CCDC172: variants seen among roughly 807,000 people sequenced by gnomAD.
The protein encoded by CCDC172 is coiled-coil domain-containing protein 172.
CCDC172 carries 30 observed loss-of-function variants against 38.0 expected under a neutral mutation model. The ratio of observed to expected loss-of-function variants is 0.79; its 90% CI spans 0.59 to 1.07. The LOEUF is 1.07. Among genes scored for constraint, CCDC172 ranks in the 50% least tolerant of loss-of-function variants. The pLI is 0.00. For synonymous variants in CCDC172, 78 were observed against 88.3 expected, an observed-to-expected ratio of 0.88 and a Z score of 0.66; for missense variants, 297 against 290.1, an observed-to-expected ratio of 1.02 and a Z score of -0.17.
intron 7 of CCDC172, among the ~76,000 whole-genome samples, chr10:116,362,824 A>C (rs1020811024): frequency 6.6e-6 from 1 of 152,084 alleles, no homozygotes; most frequent in Non-Finnish European, 1.5e-5. Context: ...TTCTGGTAAA[A>C]CTTCATCATT....
intron 7 of CCDC172, among the ~76,000 whole-genome samples, chr10:116,363,249 C>T (rs1352672955): frequency 6.6e-6 from 1 of 152,104 alleles, no homozygotes; most frequent in Non-Finnish European, 1.5e-5. Context: ...AAGGGAGATG[C>T]TGGCAGGACC....
chr10:116,328,012 T>G (rs1399690004), intron 3 of CCDC172, among the ~76,000 whole-genome samples: 1 of 152,114 alleles, frequency 6.6e-6, no homozygotes, highest in East Asian at 1.9e-4. Context: ...GAACATAATT[T>G]GAATAGAGCA....
At chr10:116,374,026 A>G (rs1305900525) in intron 7 of CCDC172, among the ~76,000 whole-genome samples, 1 of 152,174 alleles carries the variant, frequency 6.6e-6, no homozygotes, top group East Asian at 1.9e-4. Flanking sequence ...TCTGAGTAGC[A>G]TGATAAACTC....
At chr10:116,367,737 A>G (rs1182322118) in intron 7 of CCDC172, among the ~76,000 whole-genome samples, 1 of 152,116 alleles carries the variant, frequency 6.6e-6, no homozygotes, top group Non-Finnish European at 1.5e-5. Context: ...AACAGTCTAT[A>G]TTAATATTTC....
intron 5 of CCDC172, among the ~76,000 whole-genome samples, chr10:116,343,841 G>T (rs1844830924): frequency 6.6e-6 from 1 of 152,114 alleles, no homozygotes; most frequent in Non-Finnish European, 1.5e-5. Flanking sequence ...TTGACTGAAT[G>T]GTTCTCTGAG....
At position 116,379,352 on chromosome 10, in the gene CCDC172, C is replaced by A; in HGVS notation, c.771C>A (p.Ser257Arg). ...LTLAQKDLQE[S>R]K ...TGGCACAGAAAGATCTTCAGGAAAG[C>A]AAATAACTTACAGAGAATTGATCAG... is the stretch of plus-strand genomic sequence containing the variant. Residue 257 changes from serine (S) to arginine (R), a missense_variant, in exon 9 of 9, where the codon AGC becomes AGA. Physicochemically the swap from Ser to Arg is moderately radical, Grantham distance 110. Coordinates refer to ENST00000333254, the MANE Select transcript of CCDC172 (RefSeq NM_198515.3). 6.3e-7 allele frequency: 1 copy of A among 1,580,758 alleles called. No individual in the cohort carries two copies. Among genetic ancestry groups the A allele is most frequent in the African/African-American group, 1.4e-5 (1 of 73,910 alleles).
chr10:116,366,906 C>T (rs147408599), intron 7 of CCDC172, among the ~76,000 whole-genome samples: 33 of 152,250 alleles, frequency 2.2e-4, no homozygotes, highest in African/African-American at 7.7e-4. Context: ...GTCCTGACTA[C>T]GTATATGGTT....
intron 7 of CCDC172, among the ~76,000 whole-genome samples, chr10:116,363,690 A>G (rs1441995775): frequency 6.6e-6 from 1 of 152,114 alleles, no homozygotes; most frequent in East Asian, 1.9e-4. Flanking sequence ...TAATCCCAAC[A>G]CTTTGGGAGG....
At chr10:116,342,455 G>T (rs1844807841) in intron 5 of CCDC172, among the ~76,000 whole-genome samples, 2 of 152,194 alleles carry the variant, frequency 1.3e-5, no homozygotes, top group Admixed American at 1.3e-4. Context: ...CACTGTTCTA[G>T]GTCTTGAAGA....
chr10:116,375,453 AC>A (rs1845233858), intron 7 of CCDC172, among the ~76,000 whole-genome samples: 1 of 27,164 alleles, frequency 3.7e-5, no homozygotes, highest in Non-Finnish European at 7.5e-5. Context: ...CTAGCCCCCC[AC>A]CCCCCGACAG....
At position 116,335,122 on chromosome 10, in the gene CCDC172, C is replaced by T. The variant is rs530885788; in HGVS notation, c.166-5612C>T. Among the ~76,000 whole-genome samples, 95 of 152,032 alleles carry T rather than the reference C, an allele frequency of 6.2e-4. 1 individual carries two copies. Among genetic ancestry groups the T allele is most frequent in the Middle Eastern group, 6.8e-3 (2 of 294 alleles). ...GAATTTTTAATGTTTTAGTTTGTTT[C>T]CGAATCCATTCTAGGCTTGGGAAAG... On this transcript the variant is annotated intron_variant, in intron 3 of 8. Transcript: ENST00000333254.
intron 7 of CCDC172, among the ~76,000 whole-genome samples, chr10:116,367,027 G>A (rs1845130968): frequency 6.6e-6 from 1 of 152,036 alleles, no homozygotes; most frequent in Non-Finnish European, 1.5e-5. Context: ...ATTTCCAGAA[G>A]TTTTAAAGTT....
At chr10:116,366,978 T>A (rs1200100623) in intron 7 of CCDC172, among the ~76,000 whole-genome samples, 1 of 152,224 alleles carries the variant, frequency 6.6e-6, no homozygotes, top group African/African-American at 2.4e-5. Context: ...CTCTTATTTT[T>A]CTACTAGATT....
chr10:116,367,324 GT>G (rs1403660880), intron 7 of CCDC172, among the ~76,000 whole-genome samples: 2 of 152,150 alleles, frequency 1.3e-5, no homozygotes, highest in Non-Finnish European at 2.9e-5. Context: ...TGATTTGACT[GT>G]TGCACATTGT....
In CCDC172 at chr10:116,342,141, A is replaced by G. The variant is rs1056677266; in HGVS notation, c.388A>G (p.Lys130Glu). The change falls in exon 5 of 9, where the codon AAA (lysine) becomes GAA (glutamate). Residue 130 changes from lysine to glutamate, a missense_variant. Lys to Glu is a moderately conservative substitution (Grantham distance 56). Transcript: ENST00000333254. The part of the protein sequence containing the change: ...EITKKRELLM[K>E]ENVKIEISDL... Reference sequence around the variant, plus strand: ...AACAAAGAAAAGAGAGCTTTTGATGAAAGAAAATGTCAAGATTGAAATATC... The same window carrying G: ...AACAAAGAAAAGAGAGCTTTTGATGGAAGAAAATGTCAAGATTGAAATATC... 1 of 1,548,658 alleles carries G rather than the reference A, an allele frequency of 6.5e-7. No individual in the cohort carries two copies. The highest frequency in any genetic ancestry group is 1.4e-5 in the African/African-American group (1 of 69,734).
intron 3 of CCDC172, among the ~76,000 whole-genome samples, chr10:116,335,891 G>T (rs181309956): frequency 1.2e-3 from 179 of 152,166 alleles, no homozygotes; most frequent in African/African-American, 4.1e-3. Context: ...ATGGGGCCAG[G>T]TGCGGTGGCT....
intron 5 of CCDC172, among the ~76,000 whole-genome samples, chr10:116,353,234 C>T (rs1390057595): frequency 6.6e-6 from 1 of 151,636 alleles, no homozygotes; most frequent in African/African-American, 2.4e-5. Context: ...TCATACCATA[C>T]ACAAAAATTA....
intron 5 of CCDC172, among the ~76,000 whole-genome samples, chr10:116,354,362 G>A (rs1441084990): frequency 6.6e-6 from 1 of 151,750 alleles, no homozygotes; most frequent in East Asian, 1.9e-4. Context: ...TGTAAAAAAA[G>A]TTAACTGTAA....
chr10:116,344,944 C>T lies in CCDC172; in HGVS notation c.448+2743C>T, dbSNP rs117098155. 2.6e-5 allele frequency among the ~76,000 whole-genome samples: 4 copies of T among 151,648 alleles called. No individual in the cohort carries two copies. In the East Asian group the frequency reaches 5.8e-4, roughly 22 times the overall value. Reference sequence around the variant, plus strand: ...TCAGTATCACAATATCACTGTCTTCCACCTCTACATCTTGTCCCACTGGAA... The same window carrying T: ...TCAGTATCACAATATCACTGTCTTCTACCTCTACATCTTGTCCCACTGGAA... On this transcript the variant is annotated intron_variant, in intron 5 of 8. Transcript: ENST00000333254.
Sources: gnomAD v4.1 joint callset for allele counts (sites outside exome capture counted in the v4.1 genomes callset) on GRCh38, gnomAD v4.1.1 for gene constraint, MANE v1.5 for transcripts, NCBI Gene and HGNC (gene_info 2026-07-23, HGNC 2026-07-21) for gene names.